The following PCDH15 variants were observed in gnomAD, a reference collection of about 807,000 sequenced individuals.
PCDH15 encodes the protein protocadherin-15.
In PCDH15, 129 loss-of-function variants were observed where a neutral mutation model predicts 178.5. The observed-to-expected ratio is 0.72, with a 90% CI of 0.63 to 0.84. The LOEUF is 0.84. PCDH15 is among the 40% of genes least tolerant of loss of function. The pLI is 0.00. For missense variants in PCDH15, 2,230 were observed against 2,099.9 expected, an observed-to-expected ratio of 1.06 and a Z score of -1.21; for synonymous variants, 800 against 732.0, an observed-to-expected ratio of 1.09 and a Z score of -1.50.
At chr10:55,381,760 A>G (rs950501657) in intron 2 of PCDH15, among the ~76,000 whole-genome samples, 4 of 152,176 alleles carry the variant, frequency 2.6e-5, no homozygotes, top group Non-Finnish European at 5.9e-5. Context: ...AAAGCCAAAA[A>G]GAATTTTAAA....
At chr10:54,037,238 A>T (rs910215818) in intron 18 of PCDH15, among the ~76,000 whole-genome samples, 3 of 152,002 alleles carry the variant, frequency 2.0e-5, no homozygotes, top group African/African-American at 7.2e-5. Context: ...GATTAAGAAG[A>T]TTGACTCCAA....
chr10:54,173,845 G>A (rs2133666297), intron 13 of PCDH15, among the ~76,000 whole-genome samples: 1 of 152,198 alleles, frequency 6.6e-6, no homozygotes, highest in East Asian at 1.9e-4. Flanking sequence ...GGAGAAATCA[G>A]GATGCTCCAA....
chr10:55,455,355 T>C (rs2132085908), intron 2 of PCDH15, among the ~76,000 whole-genome samples: 1 of 152,310 alleles, frequency 6.6e-6, no homozygotes, highest in South Asian at 2.1e-4. Context: ...CTTCTGTGTG[T>C]TCACACTATA....
At chr10:53,912,757 G>C (rs992850372) in intron 25 of PCDH15, among the ~76,000 whole-genome samples, 1 of 152,058 alleles carries the variant, frequency 6.6e-6, no homozygotes, top group Admixed American at 6.6e-5. Context: ...CCTCTTCAAG[G>C]AGAACTACAA....
chr10:53,904,646 G>A (rs899679606), intron 25 of PCDH15, among the ~76,000 whole-genome samples: 12 of 152,032 alleles, frequency 7.9e-5, no homozygotes, highest in East Asian at 1.9e-4. Flanking sequence ...AACCAACAGC[G>A]AAATAGGGCT....
chr10:54,338,057 T>C (rs1474665244), intron 6 of PCDH15, among the ~76,000 whole-genome samples: 1 of 152,208 alleles, frequency 6.6e-6, no homozygotes, highest in Non-Finnish European at 1.5e-5. Flanking sequence ...TCATTCACAT[T>C]TAATGATGCA....
chr10:54,809,198 G>A (rs73268253), intron 3 of PCDH15, among the ~76,000 whole-genome samples: 5,973 of 152,076 alleles, frequency 0.039, 351 homozygotes, highest in African/African-American at 0.13. Context: ...CCATTGATTC[G>A]TACAATCTTA....
intron 1 of PCDH15, among the ~76,000 whole-genome samples, chr10:55,315,766 C>T (rs1843708709): frequency 1.3e-5 from 2 of 152,042 alleles, no homozygotes; most frequent in Non-Finnish European, 2.9e-5. Flanking sequence ...GCCTGCAATC[C>T]CAGCGCTTTG....
chr10:54,688,863 G>A (rs769750586), intron 1 of PCDH15, among the ~76,000 whole-genome samples: 2 of 152,044 alleles, frequency 1.3e-5, no homozygotes, highest in Non-Finnish European at 1.5e-5. Flanking sequence ...AAGAACCAAA[G>A]CTTTACTTGT....
chr10:54,171,921 G>C (rs530060112), intron 13 of PCDH15, among the ~76,000 whole-genome samples: 19 of 149,696 alleles, frequency 1.3e-4, no homozygotes, highest in Non-Finnish European at 2.4e-4. Context: ...TTCCCACGCC[G>C]CCCCTAATCC....
intron 1 of PCDH15, among the ~76,000 whole-genome samples, chr10:54,783,926 CAG>C (rs1950600365): frequency 6.6e-6 from 1 of 152,070 alleles, no homozygotes; most frequent in Non-Finnish European, 1.5e-5. Context: ...TTAATTGACT[CAG>C]AGTTCAGCCT....
At chr10:54,529,012 G>C (rs2083638806) in intron 2 of PCDH15, among the ~76,000 whole-genome samples, 1 of 152,008 alleles carries the variant, frequency 6.6e-6, no homozygotes, top group Admixed American at 6.6e-5. Context: ...CTGTACAGCA[G>C]TGCAAATTAA....
At chr10:55,464,902 GAA>G (rs71014492) in intron 2 of PCDH15, among the ~76,000 whole-genome samples, 97,783 of 139,776 alleles carry the variant, frequency 0.7, 33,820 homozygotes, top group East Asian at 0.99. Context: ...TGCTTAAATT[GAA>G]AAAAAAAAAA....
chr10:54,877,938 CTTT>C (rs1203452904), intron 3 of PCDH15, among the ~76,000 whole-genome samples: 1 of 8,076 alleles, frequency 1.2e-4, no homozygotes, highest in African/African-American at 5.0e-4. Flanking sequence ...CTCTCTCTCT[CTTT>C]TTTTTTTTTT....
intron 2 of PCDH15, among the ~76,000 whole-genome samples, chr10:54,987,562 C>G (rs904296165): frequency 2.5e-4 from 38 of 152,172 alleles, no homozygotes; most frequent in African/African-American, 9.2e-4. Context: ...GCTATTCTGA[C>G]TGGAGTGTGA....
At chr10:55,049,134 T>C (rs1277141189) in intron 2 of PCDH15, among the ~76,000 whole-genome samples, 1 of 151,994 alleles carries the variant, frequency 6.6e-6, no homozygotes, top group African/African-American at 2.4e-5. Context: ...CTTAGTCTTG[T>C]GGTCACAAAG....
At chr10:55,467,461 A>T (rs991115386) in intron 2 of PCDH15, among the ~76,000 whole-genome samples, 1 of 152,044 alleles carries the variant, frequency 6.6e-6, no homozygotes, top group Admixed American at 6.5e-5. Context: ...AATATCTACA[A>T]AATGAATATT....
intron 3 of PCDH15, among the ~76,000 whole-genome samples, chr10:54,514,162 C>A (rs1230565286): frequency 6.6e-6 from 1 of 152,160 alleles, no homozygotes; most frequent in Non-Finnish European, 1.5e-5. Context: ...TTAGTGCTAT[C>A]TCTGAACAAC....
At chr10:55,413,725 A>G (rs1314985495) in intron 2 of PCDH15, among the ~76,000 whole-genome samples, 1 of 151,774 alleles carries the variant, frequency 6.6e-6, no homozygotes, top group Non-Finnish European at 1.5e-5. Flanking sequence ...TGTCTTTATA[A>G]GCAAGTGTTG....
Sources: allele counts gnomAD v4.1 joint callset (sites outside exome capture counted in the v4.1 genomes callset), GRCh38; gene constraint gnomAD v4.1.1; transcripts MANE v1.5; gene names NCBI Gene and HGNC (gene_info 2026-07-23, HGNC 2026-07-21).